The following CTPS1 variants were observed in gnomAD, a reference collection of about 807,000 sequenced individuals.
CTPS1 encodes the protein CTP synthase 1, also known as CTP synthetase 1.
CTPS1 carries 25 observed loss-of-function variants against 80.5 expected under a neutral mutation model. That is an observed-to-expected ratio of 0.31 (90% CI 0.23 to 0.43). The LOEUF (loss-of-function observed/expected upper bound fraction) is 0.43. Among genes scored for constraint, CTPS1 ranks in the 20% least tolerant of loss-of-function variants. CTPS1 has a pLI of 1.00. For synonymous variants in CTPS1, 267 were observed against 252.5 expected, an observed-to-expected ratio of 1.06 and a Z score of -0.54; for missense variants, 442 against 725.7, an observed-to-expected ratio of 0.61 and a Z score of 4.49.
At chr1:40,988,422 G>T (rs1642514160) in intron 4 of CTPS1, 172 bp from the exon 5 acceptor site, 2 of 592,746 alleles carry the variant, frequency 3.4e-6, no homozygotes, top group Non-Finnish European at 6.0e-6. Context: ...TAACCTTTTA[G>T]TACAAAGAGT....
rs758118584 is a variant in CTPS1 at position 40,997,497 on chromosome 1, C to T, written c.976C>T (p.Leu326=). The T allele has an allele frequency of 6.2e-7, 1 of 1,614,134 alleles. No individual in the cohort carries two copies. Among genetic ancestry groups the T allele is most frequent in the Non-Finnish European group, 8.5e-7 (1 of 1,180,004 alleles). The change falls in exon 9 of 19, where the codon CTG becomes TTG. Residue 326 remains leucine (L), a synonymous_variant. Transcript: ENST00000650070. ...CATTAAGGCTCTGGAGCATTCTGCACTGGCCATCAACCACAAATTGGAAAT... is the reference window on the plus strand; with the variant it reads ...CATTAAGGCTCTGGAGCATTCTGCATTGGCCATCAACCACAAATTGGAAAT... ...SVIKALEHSA[L]AINHKLEIKY...
intron 9 of CTPS1, among the ~76,000 whole-genome samples, chr1:40,998,022 T>C (rs1642798948): frequency 6.6e-6 from 1 of 152,138 alleles, no homozygotes; most frequent in Non-Finnish European, 1.5e-5. Flanking sequence ...GTCTGTGCCA[T>C]GGCGGGCAGC....
rs1642617960 is a variant in CTPS1, at chr1:40,991,805, A to G, written c.680A>G (p.Lys227Arg). The G allele has an allele frequency of 6.2e-7, 1 of 1,614,122 alleles. No individual in the cohort carries two copies. The highest frequency in any genetic ancestry group is 8.5e-7 in the Non-Finnish European group (1 of 1,179,970). Residue 227 changes from lysine (K) to arginine (R), a missense_variant, in exon 7 of 19, where the codon AAG (lysine) becomes AGG (arginine). Coordinates refer to ENST00000650070, the MANE Select transcript of CTPS1 (RefSeq NM_001905.4). Reference sequence around the variant, plus strand: ...TCAAATCCACTTGACACATCAGTGAAGGAGAAAATATCAATGTTCTGCCAT... The same window carrying G: ...TCAAATCCACTTGACACATCAGTGAGGGAGAAAATATCAATGTTCTGCCAT... ...RCSNPLDTSV[K>R]EKISMFCHVE... is the part of the protein sequence containing the mutation.
At chr1:40,994,416 T>C (rs1642701642) in intron 7 of CTPS1, among the ~76,000 whole-genome samples, 1 of 152,228 alleles carries the variant, frequency 6.6e-6, no homozygotes, top group South Asian at 2.1e-4. Context: ...CTTCATAAAG[T>C]TGTTTAGACT....
chr1:40,995,998 C>T lies in CTPS1; in HGVS notation c.802C>T (p.Arg268Ter), dbSNP rs757565749. 1.9e-6 allele frequency: 3 copies of T among 1,614,136 alleles called. No homozygotes were observed. The highest frequency in any genetic ancestry group is 2.2e-5 in the South Asian group (2 of 91,084). The part of the protein sequence containing the change: ...EEQGVVDYFL[R>*]RLDLPIERQP... ...GCAAGGGGTTGTAGATTATTTTCTT[C>T]GAAGACTTGACCTTCCTATTGAGAG... The change falls in exon 8 of 19, where the codon CGA (arginine) becomes TGA (stop). Residue 268 changes from arginine (R) to a stop codon, truncating the protein, a stop_gained. Transcript: ENST00000650070. LOFTEE classifies it high-confidence loss of function.
rs1643100176 is a variant in CTPS1 at position 41,008,887 on chromosome 1, G to C, written c.1543G>C (p.Glu515Gln). ...AGAGAGAATGGAAATTGTGGAGTTAGAAGGTGATTATTCGGGCAGTTTTAT... is the reference window on the plus strand; with the variant it reads ...AGAGAGAATGGAAATTGTGGAGTTACAAGGTGATTATTCGGGCAGTTTTAT... ...EGERMEIVEL[E>Q]DHPFFVGVQY... The change falls in exon 16 of 19, where the codon GAA becomes CAA. Residue 515 changes from glutamate to glutamine, a missense_variant. Around this residue, in one of 4 missense-constraint regions of CTPS1, gnomAD observed 321 missense variants for 467.2 expected, o/e 0.69. Transcript: ENST00000650070. 3 of 1,612,284 alleles carry C rather than the reference G, an allele frequency of 1.9e-6. No individual in the cohort carries two copies. Among genetic ancestry groups the C allele is most frequent in the African/African-American group, 1.3e-5 (1 of 74,904 alleles).
chr1:41,010,318 A>G (rs1643139191), intron 18 of CTPS1, 64 bp downstream of exon 18: 3 of 1,187,252 alleles, frequency 2.5e-6, no homozygotes, highest in African/African-American at 3.0e-5. Context: ...GATTGCAAGA[A>G]TATCATGGAA....
chr1:41,010,580 G>A lies in CTPS1; in HGVS notation c.*9+326G>A, dbSNP rs1040561215. Among the ~76,000 whole-genome samples the A allele has an allele frequency of 2.6e-5, 4 of 152,308 alleles. No homozygotes were observed. The South Asian group carries it at 6.2e-4, about 24-fold the overall frequency. On this transcript the variant is annotated intron_variant, in intron 18 of 18. Transcript: ENST00000650070. ...GTCTGACCAGTTCTGGGGCGGGGAA[G>A]GGGAGGGTCTGAATTCTTAGACCCT...
chr1:40,998,756 T>C (rs1214338489), intron 9 of CTPS1, among the ~76,000 whole-genome samples: 1 of 152,104 alleles, frequency 6.6e-6, no homozygotes, highest in Non-Finnish European at 1.5e-5. Flanking sequence ...AGTGCTGAGG[T>C]TGTTAAACAG....
In CTPS1 at chr1:40,991,197, T is replaced by C. The variant is rs2148397702; in HGVS notation, c.588T>C (p.Pro196=). The C allele has an allele frequency of 1.9e-6, 3 of 1,590,526 alleles. No homozygotes were observed. Among genetic ancestry groups the C allele is most frequent in the Non-Finnish European group, 8.5e-7 (1 of 1,173,860 alleles). Residue 196 remains proline (P), a synonymous_variant, in exon 6 of 19, where the codon CCT becomes CCC. Coordinates refer to ENST00000650070, the MANE Select transcript of CTPS1 (RefSeq NM_001905.4). The stretch of plus-strand genomic sequence containing the variant: ...CAACAGGGGAACAGAAGACTAAACC[T>C]ACCCAGAATAGTGTTCGGGAACTTA... ...PSSTGEQKTK[P]TQNSVRELRG...
At chr1:41,001,751 AAAAC>A (rs1642909941) in intron 10 of CTPS1, among the ~76,000 whole-genome samples, 1 of 152,146 alleles carries the variant, frequency 6.6e-6, no homozygotes, top group African/African-American at 2.4e-5. Flanking sequence ...TTCTACAACA[AAAAC>A]AACAAAACCA....
At chr1:40,984,629 G>A (rs559679792) in intron 2 of CTPS1, among the ~76,000 whole-genome samples, 192 bp from the exon 3 acceptor site, 1 of 152,314 alleles carries the variant, frequency 6.6e-6, no homozygotes, top group South Asian at 2.1e-4. Flanking sequence ...CTAGAAGTAT[G>A]AGGTTACCTT....
rs1643097314 is a variant in CTPS1, at chr1:41,008,758, G to A, written c.1450-36G>A. On this transcript the variant is annotated intron_variant, in intron 15 of 18. Transcript: ENST00000650070. ...TGGTACTCTGGAAAGATAGTGAGCT[G>A]AGAGACCAGCAGAATTATTTTTCAT... 1.9e-6 allele frequency: 3 copies of A among 1,613,582 alleles called. No individual in the cohort carries two copies. The South Asian group carries it at 3.3e-5, about 18-fold the overall frequency.
At chr1:40,981,833 C>G in intron 1 of CTPS1, 1 of 357,472 alleles carries the variant, frequency 2.8e-6, no homozygotes, top group South Asian at 2.6e-5. Context: ...GAGCATTCTT[C>G]CTTCCCTGCC....
chr1:40,998,222 C>T (rs1396413333), intron 9 of CTPS1, among the ~76,000 whole-genome samples: 1 of 150,606 alleles, frequency 6.6e-6, no homozygotes, highest in African/African-American at 2.5e-5. Flanking sequence ...CACGGTGAAA[C>T]CCTGTCTCTA....
chr1:40,999,513 G>C (rs12410096), intron 9 of CTPS1, among the ~76,000 whole-genome samples: 13,609 of 152,258 alleles, frequency 0.089, 665 homozygotes, highest in South Asian at 0.13. Context: ...AATCAGTGCA[G>C]ATGAAGTCAC....
At chr1:40,987,026 G>A (rs867194401) in intron 3 of CTPS1, among the ~76,000 whole-genome samples, 3 of 152,206 alleles carry the variant, frequency 2.0e-5, no homozygotes, top group African/African-American at 7.2e-5. Flanking sequence ...GCACTGAAGT[G>A]TAATGTGCCT....
intron 9 of CTPS1, among the ~76,000 whole-genome samples, chr1:40,999,942 T>C (rs575092542): frequency 6.6e-6 from 1 of 152,074 alleles, no homozygotes; most frequent in African/African-American, 2.4e-5. Flanking sequence ...CTAAGACCAG[T>C]AGTTCGAGAG....
At chr1:40,997,344 T>C (rs1642780328) in intron 8 of CTPS1, 50 bp from the exon 9 acceptor site, 7 of 1,584,400 alleles carry the variant, frequency 4.4e-6, no homozygotes, top group Non-Finnish European at 6.0e-6. Flanking sequence ...GGTCTCATGA[T>C]AGCGTGTACC....
Sources: allele counts gnomAD v4.1 joint callset (sites outside exome capture counted in the v4.1 genomes callset), GRCh38; gene constraint gnomAD v4.1.1; regional missense constraint gnomAD v4.1.1; transcripts MANE v1.5; gene names NCBI Gene and HGNC (gene_info 2026-07-23, HGNC 2026-07-21).